Variants in SYT1 observed in about 807,000 individuals in gnomAD.
The protein encoded by SYT1 is synaptotagmin 1.
A neutral mutation model predicts 44.8 loss-of-function variants in SYT1; 8 were observed. The observed-to-expected ratio is 0.18, with a 90% CI of 0.10 to 0.32. The LOEUF (loss-of-function observed/expected upper bound fraction) is 0.32, where lower values mean the gene tolerates loss of function less well. Ranked by LOEUF, SYT1 falls within the 10% of genes least tolerant of loss-of-function variation. The probability of loss-of-function intolerance (pLI) is 1.00; values close to 1 mark genes in which losing one functional copy is unlikely to be tolerated. For synonymous variants in SYT1, 154 were observed against 188.8 expected, an observed-to-expected ratio of 0.82 and a Z score of 1.51; for missense variants, 286 against 509.3, an observed-to-expected ratio of 0.56 and a Z score of 4.22.
intron 1 of SYT1, among the ~76,000 whole-genome samples, chr12:78,934,435 G>A (rs556596985): frequency 6.6e-6 from 1 of 152,236 alleles, no homozygotes; most frequent in African/African-American, 2.4e-5. Flanking sequence ...TACCCAGGAA[G>A]CTGAGATGGG....
intron 8 of SYT1, among the ~76,000 whole-genome samples, chr12:79,312,654 A>G (rs1043358967): frequency 6.6e-6 from 1 of 151,786 alleles, no homozygotes; most frequent in Non-Finnish European, 1.5e-5. Context: ...TTTTGAAACT[A>G]TATTCACATT....
chr12:79,015,992 T>C (rs1241188914), intron 2 of SYT1, among the ~76,000 whole-genome samples: 1 of 152,100 alleles, frequency 6.6e-6, no homozygotes, highest in Non-Finnish European at 1.5e-5. Context: ...TCCTGGAAAA[T>C]AATTTATCAA....
intron 4 of SYT1, among the ~76,000 whole-genome samples, chr12:79,232,137 T>C (rs563199301): frequency 6.6e-6 from 1 of 152,210 alleles, no homozygotes; most frequent in Non-Finnish European, 1.5e-5. Flanking sequence ...TTCGTGTATA[T>C]AAAGTGCTTA....
At chr12:79,187,519 T>G (rs1394126075) in intron 3 of SYT1, among the ~76,000 whole-genome samples, 2 of 152,128 alleles carry the variant, frequency 1.3e-5, no homozygotes, top group Non-Finnish European at 2.9e-5. Flanking sequence ...TCACATTAAT[T>G]TTGGTAATTT....
intron 2 of SYT1, among the ~76,000 whole-genome samples, chr12:79,046,154 G>A (rs1874038167): frequency 6.6e-6 from 1 of 152,154 alleles, no homozygotes; most frequent in East Asian, 1.9e-4. Context: ...TTTCAAGCAG[G>A]AATAAAGGAA....
intron 4 of SYT1, among the ~76,000 whole-genome samples, chr12:79,244,850 C>G (rs563625857): frequency 6.6e-6 from 1 of 151,336 alleles, no homozygotes; most frequent in South Asian, 2.1e-4. Context: ...TTTTTTTTAA[C>G]TGAGATTTCT....
At chr12:78,999,741 A>G (rs546928997) in intron 2 of SYT1, among the ~76,000 whole-genome samples, 1 of 152,162 alleles carries the variant, frequency 6.6e-6, no homozygotes, top group African/African-American at 2.4e-5. Context: ...AGTAGTTAAT[A>G]TATTCAATAT....
rs1249264219 is a variant in SYT1 at position 79,114,041 on chromosome 12, C to T, written c.-18+66679C>T. 2.0e-5 allele frequency among the ~76,000 whole-genome samples: 3 copies of T among 152,250 alleles called. No homozygotes were observed. The East Asian group carries it at 5.8e-4, about 29-fold the overall frequency. On this transcript the variant is annotated intron_variant, in intron 3 of 10. Coordinates refer to ENST00000261205, the MANE Select transcript of SYT1 (RefSeq NM_005639.3). ...CATGAGCAGACCTCATGGTCCTCAC[C>T]TTCACTAAACAAGCAGGGTAGTAGA...
intron 1 of SYT1, among the ~76,000 whole-genome samples, chr12:78,937,526 G>A (rs1235809599): frequency 6.6e-6 from 1 of 151,814 alleles, no homozygotes; most frequent in South Asian, 2.1e-4. Context: ...ACATGATGGG[G>A]AATAAAAAAG....
At chr12:79,041,480 C>T (rs1337482407) in intron 2 of SYT1, among the ~76,000 whole-genome samples, 2 of 151,716 alleles carry the variant, frequency 1.3e-5, no homozygotes, top group Non-Finnish European at 2.9e-5. Flanking sequence ...ATTTTGTATC[C>T]TGAGACTTTG....
intron 3 of SYT1, among the ~76,000 whole-genome samples, chr12:79,116,436 G>A (rs910404509): frequency 6.6e-6 from 1 of 152,114 alleles, no homozygotes; most frequent in African/African-American, 2.4e-5. Flanking sequence ...TTTCCTGCAC[G>A]TGTTGGTGAG....
chr12:78,957,762 G>C (rs1396389247), intron 1 of SYT1, among the ~76,000 whole-genome samples: 1 of 151,830 alleles, frequency 6.6e-6, no homozygotes, highest in Non-Finnish European at 1.5e-5. Context: ...TTTTAAACCT[G>C]GAGATCTTAA....
intron 9 of SYT1, among the ~76,000 whole-genome samples, chr12:79,417,791 C>G (rs150367126): frequency 3.3e-5 from 5 of 151,696 alleles, no homozygotes; most frequent in East Asian, 1.9e-4. Flanking sequence ...AGTATCCCCC[C>G]ACTCCCACCC....
chr12:79,363,924 A>G (rs1883429409), intron 9 of SYT1, among the ~76,000 whole-genome samples: 1 of 152,084 alleles, frequency 6.6e-6, no homozygotes, highest in Admixed American at 6.6e-5. Flanking sequence ...GTGTCTACTT[A>G]TGTCTGTGTT....
chr12:79,118,283 A>T (rs1367173849), intron 3 of SYT1, among the ~76,000 whole-genome samples: 1 of 152,196 alleles, frequency 6.6e-6, no homozygotes, highest in African/African-American at 2.4e-5. Context: ...TAAAACTATG[A>T]TTTTAATATA....
intron 3 of SYT1, among the ~76,000 whole-genome samples, chr12:79,176,007 C>T (rs371681862): frequency 5.3e-5 from 8 of 152,034 alleles, no homozygotes; most frequent in East Asian, 1.9e-4. Flanking sequence ...AAGTACAGAG[C>T]GGGCCGGGTG....
intron 4 of SYT1, among the ~76,000 whole-genome samples, chr12:79,245,950 C>A (rs906189943): frequency 6.6e-6 from 1 of 151,352 alleles, no homozygotes; most frequent in East Asian, 1.9e-4. Context: ...AATTGAGATA[C>A]GTGGAAAGAT....
At chr12:78,876,812 A>G (rs1300556798) in intron 1 of SYT1, among the ~76,000 whole-genome samples, 1 of 42,668 alleles carries the variant, frequency 2.3e-5, no homozygotes, top group Admixed American at 2.7e-4. Context: ...TATATGTAAT[A>G]CATATCATAT....
intron 3 of SYT1, among the ~76,000 whole-genome samples, chr12:79,072,690 A>G (rs1876367654): frequency 6.6e-6 from 1 of 152,128 alleles, no homozygotes; most frequent in Admixed American, 6.6e-5. Context: ...ACAGCAAGAG[A>G]CTCTATTTAA....
Sources: gnomAD v4.1 joint callset for allele counts (sites outside exome capture counted in the v4.1 genomes callset) on GRCh38, gnomAD v4.1.1 for gene constraint, MANE v1.5 for transcripts, NCBI Gene and HGNC (gene_info 2026-07-23, HGNC 2026-07-21) for gene names.